The following HPD variants were observed in gnomAD, a reference collection of about 807,000 sequenced individuals.
The protein encoded by HPD is 4-hydroxyphenylpyruvate dioxygenase.
HPD carries 35 observed loss-of-function variants against 56.9 expected under a neutral mutation model. The observed-to-expected ratio is 0.62, with a 90% CI of 0.47 to 0.82. HPD has a LOEUF of 0.82. HPD is among the 40% of genes least tolerant of loss of function. The pLI is 0.00. For missense variants in HPD, 442 were observed against 506.8 expected (o/e 0.87, Z 1.23); for synonymous variants, 186 against 200.2 (o/e 0.93, Z 0.60).
Position 121,858,676 on chromosome 12 carries a change from C to G in HPD, c.30+11G>C, listed in dbSNP as rs752351766. 1 of 1,613,884 alleles carries G rather than the reference C, an allele frequency of 6.2e-7. No homozygotes were observed. Among genetic ancestry groups the G allele is most frequent in the Non-Finnish European group, 8.5e-7 (1 of 1,179,754 alleles). On this transcript the variant is annotated intron_variant, in intron 2 of 13. Transcript: ENST00000289004. ...TCAGGCCCCTACATTTCCCACATTTCGCCTGCTTACCTTTGCCCCTTTGTC... is the reference window on the plus strand; with the variant it reads ...TCAGGCCCCTACATTTCCCACATTTGGCCTGCTTACCTTTGCCCCTTTGTC...
At chr12:121,879,830 T>G in the HPD span, among the ~76,000 whole-genome samples, 2 of 152,166 alleles carry the variant, frequency 1.3e-5, no homozygotes, top group Non-Finnish European at 2.9e-5. Flanking sequence ...CTGGTGTGTG[T>G]ATATGTGTGT....
upstream of HPD, among the ~76,000 whole-genome samples, chr12:121,865,300 G>A (rs995559596): frequency 6.6e-5 from 10 of 151,378 alleles, no homozygotes; most frequent in East Asian, 2.0e-4. Flanking sequence ...ACAGAGTTTC[G>A]CTTTTGTTGC....
rs1176954964 is a variant in HPD, at chr12:121,852,622, C to CTTTTTTTT, written c.414+2073_414+2080dup. On this transcript the variant is annotated intron_variant, in intron 7 of 13. Coordinates refer to ENST00000289004, the MANE Select transcript of HPD (RefSeq NM_002150.3). ...TATACACAAATGACCTCATTGGATC[C>CTTTTTTTT]TTTTTTTTTTTTTTTTTTTTTTTTT... is the stretch of plus-strand genomic sequence containing the variant. Among the ~76,000 whole-genome samples the CTTTTTTTT allele has an allele frequency of 8.2e-4, 58 of 70,506 alleles. 9 individuals carry two copies. The highest frequency in any genetic ancestry group is 3.3e-3 in the African/African-American group (53 of 16,192). The allele number at this position is 70,506 out of a possible 152,430, so 46.3% of individuals were successfully genotyped here. A position where few individuals can be genotyped will look rare whatever the true frequency, so the allele number is the denominator to read the frequency against.
At position 121,854,697 on chromosome 12, in the gene HPD, A is replaced by G; in HGVS notation, c.414+6T>C. 1.2e-6 allele frequency: 2 copies of G among 1,604,824 alleles called. No individual in the cohort carries two copies. Among genetic ancestry groups the G allele is most frequent in the South Asian group, 1.1e-5 (1 of 90,866 alleles). On this transcript the variant is annotated splice_donor_region_variant and intron_variant, in intron 7 of 13. Coordinates refer to ENST00000289004, the MANE Select transcript of HPD (RefSeq NM_002150.3). The stretch of plus-strand genomic sequence containing the variant: ...AGGAGGGGTGGGGGCACCAAAGGGA[A>G]CTCACCGTCTGCAGCACAGCAAACT...
chr12:121,840,047 T>A lies in HPD; in HGVS notation c.956A>T (p.Glu319Val). 1 of 1,607,630 alleles carries A rather than the reference T, an allele frequency of 6.2e-7. No individual in the cohort carries two copies. Residue 319 changes from glutamate (E) to valine (V), a missense_variant and splice_region_variant, in exon 13 of 14, where the codon GAG becomes GTG. By Grantham distance (121) the Glu-to-Val change is moderately radical (BLOSUM62 -2). Transcript: ENST00000289004. ...KVKENIDALE[E>V]LKILVDYDEK... Reference sequence around the variant, plus strand: ...GTCGTAGTCCACCAGGATTTTCAGCTCCTAGGCGGGAGACAGGGGGCTCTG... The same window carrying A: ...GTCGTAGTCCACCAGGATTTTCAGCACCTAGGCGGGAGACAGGGGGCTCTG...
upstream of HPD, among the ~76,000 whole-genome samples, chr12:121,864,429 C>T (rs548452790): frequency 3.3e-5 from 5 of 150,280 alleles, no homozygotes; most frequent in South Asian, 2.1e-4. Context: ...GGTGCATGCC[C>T]GTAGTCCCAG....
At chr12:121,866,316 AG>A (rs1271896337), upstream of HPD, among the ~76,000 whole-genome samples, 13 of 147,440 alleles carry the variant, frequency 8.8e-5, no homozygotes, top group African/African-American at 2.8e-4. Flanking sequence ...AAAAAAAAAA[AG>A]AATAAATAAA....
At chr12:121,876,353 T>C in the HPD span, among the ~76,000 whole-genome samples, 1 of 152,208 alleles carries the variant, frequency 6.6e-6, no homozygotes, top group East Asian at 1.9e-4. Flanking sequence ...TCCTGGAGAA[T>C]TGACCGTGGG....
chr12:121,856,516 C>T (rs1280976726), intron 5 of HPD, 67 bp downstream of exon 5: 5 of 1,596,740 alleles, frequency 3.1e-6, no homozygotes, highest in Middle Eastern at 1.7e-4. Context: ...CGGAGCCATG[C>T]GTCCACCCTC....
intron 6 of HPD, 156 bp downstream of exon 6, chr12:121,856,168 G>T (rs1877987833): frequency 5.6e-6 from 4 of 713,324 alleles, no homozygotes; most frequent in Non-Finnish European, 1.0e-5. Flanking sequence ...TGCAGCATCT[G>T]GGCTTGTCAC....
At chr12:121,883,679 T>A in the HPD span, among the ~76,000 whole-genome samples, 1 of 123,320 alleles carries the variant, frequency 8.1e-6, no homozygotes, top group South Asian at 2.9e-4. Flanking sequence ...CTTTTCCTTC[T>A]TTCTTTTTTT....
the HPD span, among the ~76,000 whole-genome samples, chr12:121,883,805 TG>T: frequency 6.6e-6 from 1 of 151,986 alleles, no homozygotes; most frequent in Admixed American, 6.6e-5. Context: ...AGCCATGAGC[TG>T]CCTACAAAAG....
intron 7 of HPD, 80 bp from the exon 8 acceptor site, chr12:121,849,870 T>G: frequency 1.1e-6 from 1 of 904,536 alleles, no homozygotes; most frequent in Non-Finnish European, 1.8e-6. Context: ...AGCGCTAACG[T>G]AGCCCCGGGT....
the HPD span, among the ~76,000 whole-genome samples, chr12:121,870,315 G>T: frequency 1.3e-5 from 2 of 151,922 alleles, no homozygotes; most frequent in Non-Finnish European, 2.9e-5. Context: ...TGTTAAGTAG[G>T]TGCTCTCATA....
chr12:121,864,511 C>T (rs543825621), upstream of HPD, among the ~76,000 whole-genome samples: 22 of 149,134 alleles, frequency 1.5e-4, no homozygotes, highest in Non-Finnish European at 2.5e-4. Context: ...TATGATTGTA[C>T]CATTGTACTC....
chr12:121,859,241 T>C, upstream of HPD: 1 of 323,576 alleles, frequency 3.1e-6, no homozygotes, highest in South Asian at 2.8e-5. Context: ...AAGTCCTGTT[T>C]GCGTCACAGC....
intron 11 of HPD, among the ~76,000 whole-genome samples, chr12:121,844,786 C>T (rs1877521780): frequency 6.6e-6 from 1 of 151,726 alleles, no homozygotes; most frequent in African/African-American, 2.4e-5. Flanking sequence ...GAGGCTGAGG[C>T]AGGAGAATGG....
chr12:121,871,007 C>T, the HPD span, among the ~76,000 whole-genome samples: 1 of 152,110 alleles, frequency 6.6e-6, no homozygotes, highest in East Asian at 1.9e-4. Flanking sequence ...CCCAGAGCTG[C>T]TGTGCCATTG....
At chr12:121,881,740 G>A in the HPD span, among the ~76,000 whole-genome samples, 2 of 150,906 alleles carry the variant, frequency 1.3e-5, no homozygotes, top group Non-Finnish European at 3.0e-5. Context: ...TCCGCCTCCC[G>A]GGTTCAAGCG....
Sources: allele counts gnomAD v4.1 joint callset (sites outside exome capture counted in the v4.1 genomes callset), GRCh38; gene constraint gnomAD v4.1.1; transcripts MANE v1.5; gene names NCBI Gene and HGNC (gene_info 2026-07-23, HGNC 2026-07-21).